The following MIPOL1 variants were observed in gnomAD, a reference collection of about 807,000 sequenced individuals.
MIPOL1 encodes mirror-image polydactyly 1, also known as mirror-image polydactyly gene 1 protein.
Under a neutral mutation model 60.9 loss-of-function variants are expected in MIPOL1, and 57 were observed. That is an observed-to-expected ratio of 0.94 (90% CI 0.76 to 1.17). MIPOL1 has a LOEUF of 1.17. Among genes scored for constraint, MIPOL1 ranks in the 50% most tolerant of loss-of-function variants. The pLI, the probability that MIPOL1 is intolerant of heterozygous loss-of-function variation, is 0.00. For synonymous variants in MIPOL1, 179 were observed against 168.8 expected (o/e 1.06, Z -0.47); for missense variants, 551 against 511.6 (o/e 1.08, Z -0.74).
chr14:37,384,872 A>G (rs2093024231), intron 10 of MIPOL1, among the ~76,000 whole-genome samples: 1 of 152,008 alleles, frequency 6.6e-6, no homozygotes, highest in South Asian at 2.1e-4. Flanking sequence ...GATTCCATAT[A>G]TGAATTGATT....
chr14:37,340,011 T>TA (rs1465610497), intron 9 of MIPOL1, among the ~76,000 whole-genome samples: 1 of 152,202 alleles, frequency 6.6e-6, no homozygotes, highest in Non-Finnish European at 1.5e-5. Flanking sequence ...CCCTATAAAA[T>TA]AATAATTTGG....
At chr14:37,494,672 T>G (rs1024943217) in intron 11 of MIPOL1, among the ~76,000 whole-genome samples, 3 of 152,206 alleles carry the variant, frequency 2.0e-5, no homozygotes, top group Non-Finnish European at 2.9e-5. Flanking sequence ...TATCTCTGTT[T>G]CCATTTGTAT....
At chr14:37,294,225 C>G (rs1594954350) in intron 7 of MIPOL1, among the ~76,000 whole-genome samples, 2 of 152,272 alleles carry the variant, frequency 1.3e-5, no homozygotes, top group East Asian at 3.9e-4. Flanking sequence ...CCAGTAAACT[C>G]CAACAGACCT....
At chr14:37,477,080 G>C (rs2094788368) in intron 11 of MIPOL1, among the ~76,000 whole-genome samples, 1 of 151,288 alleles carries the variant, frequency 6.6e-6, no homozygotes, top group Non-Finnish European at 1.5e-5. Flanking sequence ...TTGTATTTTT[G>C]ACAGAGACAG....
intron 11 of MIPOL1, among the ~76,000 whole-genome samples, chr14:37,443,457 CAAAAAAAAAAA>C (rs3062712): frequency 1.3e-4 from 6 of 45,460 alleles, no homozygotes. Context: ...ACTATCTCAC[CAAAAAAAAAAA>C]AAAAAAAAAA....
intron 11 of MIPOL1, among the ~76,000 whole-genome samples, chr14:37,429,939 A>T (rs1453712332): frequency 6.6e-6 from 1 of 152,274 alleles, no homozygotes; most frequent in East Asian, 1.9e-4. Flanking sequence ...TATAGCATGC[A>T]AACTATAGCC....
chr14:37,545,950 G>A (rs1295624533), intron 12 of MIPOL1: 1 of 280,532 alleles, frequency 3.6e-6, no homozygotes, highest in Non-Finnish European at 6.6e-6. Flanking sequence ...AAAACTGCTA[G>A]GCATGATATT....
rs149467796 is a variant in MIPOL1 at position 37,421,368 on chromosome 14, G to A, written c.937-1487G>A. ...AGTATTTGATATTCCTTAAATGCAT[G>A]TCTGAAGTCTGAAGTTTTTAAAGTT... On this transcript the variant is annotated intron_variant, in intron 10 of 12. Coordinates refer to ENST00000684589, the MANE Select transcript of MIPOL1 (RefSeq NM_001388067.1). Among the ~76,000 whole-genome samples the A allele has an allele frequency of 1.2e-4, 18 of 152,196 alleles. No homozygotes were observed. The East Asian group carries it at 3.3e-3, about 28-fold the overall frequency.
chr14:37,331,063 G>C (rs956163443), intron 9 of MIPOL1, among the ~76,000 whole-genome samples: 2 of 151,958 alleles, frequency 1.3e-5, no homozygotes, highest in East Asian at 3.9e-4. Flanking sequence ...GTTTTGTTTT[G>C]TTTTTTAGTC....
rs2095558204 is a variant in MIPOL1, at chr14:37,550,118, A to G, written c.*3147A>G. On this transcript the variant is annotated 3_prime_UTR_variant, in exon 13 of 13. Coordinates refer to ENST00000684589, the MANE Select transcript of MIPOL1 (RefSeq NM_001388067.1). ...TAAATATGGAGTAAAATATTTTGCT[A>G]ATTTTTTTCAATGATAAAGTTGATC... 1 of 151,514 alleles carries G rather than the reference A, an allele frequency of 6.6e-6. No homozygotes were observed. Among genetic ancestry groups the G allele is most frequent in the South Asian group, 2.1e-4 (1 of 4,818 alleles). 9.4% of individuals were successfully genotyped at this position (151,514 alleles called of 1,614,324 possible).
intron 12 of MIPOL1, among the ~76,000 whole-genome samples, chr14:37,527,672 T>TA (rs566298220): frequency 8.5e-5 from 13 of 152,186 alleles, no homozygotes; most frequent in South Asian, 2.1e-4. Flanking sequence ...CTTAACTGTA[T>TA]AAAAAACTCT....
chr14:37,248,040 C>G, intron 3 of MIPOL1, 133 bp downstream of exon 3: 1 of 713,672 alleles, frequency 1.4e-6, no homozygotes, highest in Non-Finnish European at 2.3e-6. Context: ...ACAAAACATG[C>G]ACACAGAGAC....
At chr14:37,408,019 TTTTA>T (rs1246081715) in intron 10 of MIPOL1, among the ~76,000 whole-genome samples, 1 of 151,056 alleles carries the variant, frequency 6.6e-6, no homozygotes, top group Admixed American at 6.6e-5. Context: ...CTGGCTAATT[TTTTA>T]TTTATTTATT....
chr14:37,519,709 G>A (rs2153630050), intron 12 of MIPOL1, among the ~76,000 whole-genome samples: 1 of 152,142 alleles, frequency 6.6e-6, no homozygotes, highest in East Asian at 1.9e-4. Flanking sequence ...GACACTCCTA[G>A]TTTAGTCTCT....
At chr14:37,384,630 A>G (rs2093016667) in intron 10 of MIPOL1, among the ~76,000 whole-genome samples, 1 of 152,004 alleles carries the variant, frequency 6.6e-6, no homozygotes, top group Non-Finnish European at 1.5e-5. Flanking sequence ...AAACCTCTCA[A>G]AATAACCTCC....
At chr14:37,344,349 T>C in intron 9 of MIPOL1, among the ~76,000 whole-genome samples, 1 of 152,038 alleles carries the variant, frequency 6.6e-6, no homozygotes, top group African/African-American at 2.4e-5. Flanking sequence ...GTCAGTTTTC[T>C]TTTCGAGTTT....
intron 10 of MIPOL1, among the ~76,000 whole-genome samples, chr14:37,408,946 T>C (rs1331230923): frequency 2.6e-5 from 4 of 152,272 alleles, no homozygotes; most frequent in East Asian, 1.9e-4. Flanking sequence ...CCCTTCCCCA[T>C]GATAAGCACA....
At chr14:37,241,636 G>T (rs1348553696) in intron 1 of MIPOL1, among the ~76,000 whole-genome samples, 2 of 152,042 alleles carry the variant, frequency 1.3e-5, no homozygotes, top group Non-Finnish European at 2.9e-5. Context: ...TCAATGATGG[G>T]ATGTAATTAG....
At chr14:37,306,663 A>G (rs762412464) in intron 7 of MIPOL1, among the ~76,000 whole-genome samples, 5 of 151,788 alleles carry the variant, frequency 3.3e-5, no homozygotes, top group Non-Finnish European at 7.4e-5. Context: ...AATGCCACTC[A>G]TTTTCTTCAA....
Sources: allele counts gnomAD v4.1 joint callset (sites outside exome capture counted in the v4.1 genomes callset), GRCh38; gene constraint gnomAD v4.1.1; transcripts MANE v1.5; gene names NCBI Gene and HGNC (gene_info 2026-07-23, HGNC 2026-07-21).